Variants in KDM4A observed in about 807,000 individuals in gnomAD.
KDM4A encodes the protein lysine demethylase 4A, also known as lysine-specific demethylase 4A.
A neutral mutation model predicts 127.1 loss-of-function variants in KDM4A; 23 were observed. That is an observed-to-expected ratio of 0.18 (90% CI 0.13 to 0.26). KDM4A has a LOEUF of 0.26. KDM4A is among the 10% of genes least tolerant of loss of function. The probability of loss-of-function intolerance (pLI) is 1.00; values close to 1 mark genes in which losing one functional copy is unlikely to be tolerated. For synonymous variants in KDM4A, 443 were observed against 466.5 expected, an observed-to-expected ratio of 0.95 and a Z score of 0.65; for missense variants, 890 against 1,329.1, an observed-to-expected ratio of 0.67 and a Z score of 5.14.
chr1:43,665,862 AGACG>A (rs1660490205), intron 6 of KDM4A, 117 bp downstream of exon 6: 1 of 1,032,452 alleles, frequency 9.7e-7, no homozygotes, highest in South Asian at 1.3e-5. Context: ...GCAGGCCTGC[AGACG>A]GGGGTGAGCC....
chr1:43,681,127 C>A (rs1660848210), intron 11 of KDM4A, among the ~76,000 whole-genome samples: 1 of 152,094 alleles, frequency 6.6e-6, no homozygotes, highest in Non-Finnish European at 1.5e-5. Context: ...ATTCTTTGTC[C>A]ACCGGAACTT....
chr1:43,704,469 G>A lies in KDM4A; in HGVS notation c.*99G>A. Reference sequence around the variant, plus strand: ...GAACGCTGAAGTCTCTGAAAGTGAAGTTGTAAAAAGAAAAGGAATGAAATA... The same window carrying A: ...GAACGCTGAAGTCTCTGAAAGTGAAATTGTAAAAAGAAAAGGAATGAAATA... On this transcript the variant is annotated 3_prime_UTR_variant, in exon 22 of 22. Coordinates refer to ENST00000372396, the MANE Select transcript of KDM4A (RefSeq NM_014663.3). The A allele has an allele frequency of 8.0e-7, 1 of 1,255,650 alleles. No individual in the cohort carries two copies. The highest frequency in any genetic ancestry group is 2.3e-5 in the Admixed American group (1 of 43,766). The allele number at this position is 1,255,650 out of a possible 1,614,324, so 77.8% of individuals were successfully genotyped here. A position where few individuals can be genotyped will look rare whatever the true frequency, so the allele number is the denominator to read the frequency against.
intron 11 of KDM4A, among the ~76,000 whole-genome samples, chr1:43,681,977 T>C (rs1200517700): frequency 2.0e-5 from 3 of 152,196 alleles, no homozygotes; most frequent in Non-Finnish European, 4.4e-5. Flanking sequence ...CTTACTTACT[T>C]ATTGATTGGA....
Position 43,694,027 on chromosome 1 carries a change from G to A in KDM4A, c.2409G>A (p.Leu803=). 1 of 1,614,238 alleles carries A rather than the reference G, an allele frequency of 6.2e-7. No individual in the cohort carries two copies. The highest frequency in any genetic ancestry group is 8.5e-7 in the Non-Finnish European group (1 of 1,180,056). The change falls in exon 17 of 22, where the codon CTG becomes CTA. Residue 803 remains leucine (L), a synonymous_variant. Coordinates refer to ENST00000372396, the MANE Select transcript of KDM4A (RefSeq NM_014663.3). The surrounding 1 kb of genome is among the most constrained non-coding windows in gnomAD (Gnocchi z 5.2). ...ACGTTTCATGTGCTGTGGCAATTCT[G>A]GAAGCAAGGTTTGTCAACATTGCAG... The part of the protein sequence containing the change: ...WVHVSCAVAI[L]EARFVNIAER...
chr1:43,652,003 A>C (rs991792392), intron 1 of KDM4A, among the ~76,000 whole-genome samples: 1 of 152,240 alleles, frequency 6.6e-6, no homozygotes, highest in Admixed American at 6.5e-5. Context: ...TTTTAAAATT[A>C]TGTTACTAAT....
At chr1:43,663,722 C>T (rs909724988) in intron 5 of KDM4A, among the ~76,000 whole-genome samples, 3 of 152,014 alleles carry the variant, frequency 2.0e-5, no homozygotes, top group Admixed American at 6.6e-5. Context: ...CTCCTGGGCT[C>T]AAGTGATCCT....
chr1:43,667,074 G>C lies in KDM4A; in HGVS notation c.898G>C (p.Gly300Arg). 1 of 1,614,078 alleles carries C rather than the reference G, an allele frequency of 6.2e-7. No individual in the cohort carries two copies. Among genetic ancestry groups the C allele is most frequent in the Non-Finnish European group, 8.5e-7 (1 of 1,180,016 alleles). Residue 300 changes from glycine (G) to arginine (R), a missense_variant, in exon 8 of 22, where the codon GGC (glycine) becomes CGC (arginine). Gly to Arg is a moderately radical substitution (Grantham distance 125, BLOSUM62 -2). Transcript: ENST00000372396. ...NFATRRWIEY[G>R]KQAVLCSCRK... ...TGCTACCCGTCGGTGGATTGAGTAC[G>C]GCAAGCAAGCTGTGCTGGTAAGTCT...
chr1:43,684,832 G>T (rs1360474009), intron 12 of KDM4A, among the ~76,000 whole-genome samples: 1 of 152,190 alleles, frequency 6.6e-6, no homozygotes, highest in Non-Finnish European at 1.5e-5. Context: ...GACCACATAG[G>T]CTTCCGTAAT....
chr1:43,701,129 C>T (rs1404191324), intron 19 of KDM4A, among the ~76,000 whole-genome samples: 1 of 151,922 alleles, frequency 6.6e-6, no homozygotes, highest in Non-Finnish European at 1.5e-5. Flanking sequence ...CCATGTTGTC[C>T]AGGATGGACT....
At chr1:43,662,812 T>G (rs1361817859) in intron 4 of KDM4A, 82 bp from the exon 5 acceptor site, 7 of 1,199,926 alleles carry the variant, frequency 5.8e-6, no homozygotes, top group African/African-American at 1.5e-5. Flanking sequence ...ACAGCTTACT[T>G]GTGACCTACT....
At chr1:43,671,422 C>T in intron 10 of KDM4A, 83 bp from the exon 11 acceptor site, 1 of 1,431,298 alleles carries the variant, frequency 7.0e-7, no homozygotes, top group Non-Finnish European at 9.3e-7. Flanking sequence ...CGCCCATGTT[C>T]CTTGTGCTTT....
chr1:43,672,457 G>T (rs2154047431), intron 11 of KDM4A, among the ~76,000 whole-genome samples: 2 of 151,714 alleles, frequency 1.3e-5, no homozygotes, highest in East Asian at 3.9e-4. Flanking sequence ...AAAGTGGTGG[G>T]ATTACAGGCG....
chr1:43,653,549 C>A, intron 2 of KDM4A: 1 of 338,124 alleles, frequency 3.0e-6, no homozygotes, highest in Non-Finnish European at 5.4e-6. Flanking sequence ...GAGCTAGTGT[C>A]TCCAGGCCTG....
rs1183165762 is a variant in KDM4A at position 43,691,111 on chromosome 1, T to A, written c.2242+62T>A. Reference sequence around the variant, plus strand: ...GGAGTATGGGCCTGCTCACTGGAAGTTCTTGCCACCTCCTGGCCTCCCAGC... The same window carrying A: ...GGAGTATGGGCCTGCTCACTGGAAGATCTTGCCACCTCCTGGCCTCCCAGC... On this transcript the variant is annotated intron_variant, in intron 14 of 21. Transcript: ENST00000372396. The A allele has an allele frequency of 5.8e-5, 90 of 1,543,260 alleles. No individual in the cohort carries two copies. The East Asian group carries it at 2.0e-3, about 35-fold the overall frequency.
chr1:43,685,834 A>G (rs186941988), intron 12 of KDM4A, among the ~76,000 whole-genome samples: 288 of 152,214 alleles, frequency 1.9e-3, no homozygotes, highest in Middle Eastern at 3.4e-3. Flanking sequence ...CTCCAGTCAG[A>G]AGTGTGGCAG....
chr1:43,683,534 CT>C, intron 11 of KDM4A, 149 bp from the exon 12 acceptor site: 1 of 930,170 alleles, frequency 1.1e-6, no homozygotes. Context: ...TGTCATTTGG[CT>C]TTTTCTAAGA....
chr1:43,690,572 T>C, intron 13 of KDM4A: 3 of 503,624 alleles, frequency 6.0e-6, no homozygotes, highest in East Asian at 3.6e-5. Flanking sequence ...ATTAACCACT[T>C]TCTTTGGGAA....
chr1:43,693,973 G>A lies in KDM4A; in HGVS notation c.2376-21G>A, dbSNP rs1295354522. ...AGCCTTGGGCCCAGAGGTGACTGAG[G>A]GAGCCTTTGCCTTTTGGCAGGTGGG... On this transcript the variant is annotated intron_variant, in intron 16 of 21. Transcript: ENST00000372396. This position sits in a 1 kb window ranked among gnomAD's most constrained non-coding sequence, Gnocchi z 4.2. 3.7e-6 allele frequency: 6 copies of A among 1,608,438 alleles called. No homozygotes were observed. The highest frequency in any genetic ancestry group is 3.3e-5 in the South Asian group (3 of 90,962).
rs1262851657 is a variant in KDM4A at position 43,669,285 on chromosome 1, G to T, written c.1349G>T (p.Gly450Val). Reference protein sequence around the residue: ...THSSVRQVEDGLTFPDYSDST... With the variant: ...THSSVRQVEDVLTFPDYSDST... Reference sequence around the variant, plus strand: ...AGCTCTGTGCGGCAAGTTGAGGATGGTCTTACCTTCCCAGGTTAGTTGACT... The same window carrying T: ...AGCTCTGTGCGGCAAGTTGAGGATGTTCTTACCTTCCCAGGTTAGTTGACT... Residue 450 changes from glycine (G) to valine (V), a missense_variant, in exon 10 of 22, where the codon GGT (glycine) becomes GTT (valine). Around this residue, in one of 7 missense-constraint regions of KDM4A, gnomAD observed 389 missense variants for 485.9 expected, o/e 0.80. Coordinates refer to ENST00000372396, the MANE Select transcript of KDM4A (RefSeq NM_014663.3). The T allele has an allele frequency of 1.2e-6, 2 of 1,614,184 alleles. No individual in the cohort carries two copies. Among genetic ancestry groups the T allele is most frequent in the Non-Finnish European group, 1.7e-6 (2 of 1,180,026 alleles).
Sources: allele counts gnomAD v4.1 joint callset (sites outside exome capture counted in the v4.1 genomes callset), GRCh38; gene constraint gnomAD v4.1.1; regional missense constraint gnomAD v4.1.1; non-coding constraint Gnocchi (gnomAD v3.1); transcripts MANE v1.5; gene names NCBI Gene and HGNC (gene_info 2026-07-23, HGNC 2026-07-21).